Variants in SOD2 observed in about 807,000 individuals in gnomAD.
SOD2 encodes the protein superoxide dismutase 2, also known as superoxide dismutase [Mn], mitochondrial.
A neutral mutation model predicts 27.0 loss-of-function variants in SOD2; 11 were observed. The observed-to-expected ratio is 0.41, with a 90% CI of 0.26 to 0.67. SOD2 has a LOEUF of 0.67. SOD2 is among the 30% of genes least tolerant of loss of function. SOD2 has a pLI of 0.34. For synonymous variants in SOD2, 105 were observed against 103.0 expected (o/e 1.02, Z -0.12); for missense variants, 250 against 274.5 (o/e 0.91, Z 0.63).
chr6:159,710,677 C>T (rs780861417), intron 1 of SOD2, among the ~76,000 whole-genome samples: 42 of 151,980 alleles, frequency 2.8e-4, no homozygotes, highest in Non-Finnish European at 4.6e-4. Context: ...GTGGTCATAT[C>T]CCCTCATACT....
chr6:159,707,341 T>G lies in SOD2; in HGVS notation c.-115-14478A>C, dbSNP rs1251304643. ...TCAATGAATCCAGAAGCTGGTTTTCTGGAAAGATCACAATTGATAGACCAC... is the reference window on the plus strand; with the variant it reads ...TCAATGAATCCAGAAGCTGGTTTTCGGGAAAGATCACAATTGATAGACCAC... On this transcript the variant is annotated intron_variant, in intron 1 of 2. Transcript: ENST00000401980. Among the ~76,000 whole-genome samples the G allele has an allele frequency of 2.0e-5, 3 of 152,174 alleles. No homozygotes were observed. The East Asian group carries it at 5.8e-4, about 29-fold the overall frequency.
chr6:159,701,855 T>C (rs1414404210), intron 1 of SOD2, among the ~76,000 whole-genome samples: 1 of 152,184 alleles, frequency 6.6e-6, no homozygotes, highest in Admixed American at 6.5e-5. Context: ...GTGGGGATTT[T>C]AGGAGAGAAC....
At chr6:159,727,403 G>GGCGGGAGGCGGGAA, upstream of SOD2, 1 of 1,224,326 alleles carries the variant, frequency 8.2e-7, no homozygotes, top group South Asian at 1.4e-5. Flanking sequence ...GGAGGCGGGA[G>GGCGGGAGGCGGGAA]GCAGTGGCGC....
upstream of SOD2, among the ~76,000 whole-genome samples, chr6:159,698,108 A>G (rs1777457605): frequency 6.6e-6 from 1 of 152,198 alleles, no homozygotes; most frequent in Non-Finnish European, 1.5e-5. Context: ...CTCTGTCTTT[A>G]CTAAAAATAC....
chr6:159,747,358 G>A (rs1352288983), upstream of SOD2, among the ~76,000 whole-genome samples: 2 of 152,200 alleles, frequency 1.3e-5, no homozygotes, highest in African/African-American at 4.8e-5. Flanking sequence ...AACTAGAATT[G>A]TAGTCCCGCT....
intron 1 of SOD2, among the ~76,000 whole-genome samples, chr6:159,712,527 A>ACCATAACCACCTCCATAACCACCACTCAG (rs1777836002): frequency 9.9e-6 from 1 of 100,942 alleles, no homozygotes; most frequent in African/African-American, 3.9e-5. Context: ...CACCACTCAC[A>ACCATAACCACCTCCATAACCACCACTCAG]CTGCTCTGAT....
chr6:159,759,079 G>A (rs1780071326), intron 1 of SOD2, among the ~76,000 whole-genome samples: 1 of 147,894 alleles, frequency 6.8e-6, no homozygotes, highest in African/African-American at 2.5e-5. Flanking sequence ...TTTTTTTTGA[G>A]ATGGAGTTTC....
upstream of SOD2, chr6:159,749,395 A>T: frequency 1.0e-6 from 1 of 983,906 alleles, no homozygotes; most frequent in African/African-American, 1.8e-5. Flanking sequence ...TGCACTCTTG[A>T]TATTAAATTA....
intron 1 of SOD2, among the ~76,000 whole-genome samples, chr6:159,719,722 T>C (rs1777992704): frequency 1.1e-5 from 1 of 94,334 alleles, no homozygotes; most frequent in South Asian, 4.8e-4. Flanking sequence ...TGGTTTTTTC[T>C]TTTATTTTCT....
chr6:159,755,343 G>A, intron 1 of SOD2: 1 of 1,614,222 alleles, frequency 6.2e-7, no homozygotes, highest in Non-Finnish European at 8.5e-7. Context: ...TCTTCTCCAG[G>A]GAATGGTAAT....
intron 1 of SOD2, chr6:159,755,750 T>C (rs1157741119): frequency 3.7e-6 from 4 of 1,066,946 alleles, no homozygotes; most frequent in Non-Finnish European, 4.7e-6. Context: ...TTTTTCTTTG[T>C]TTTTTTTTTC....
chr6:159,689,354 C>A (rs2114782256), intron 2 of SOD2, among the ~76,000 whole-genome samples: 1 of 152,302 alleles, frequency 6.6e-6, no homozygotes, highest in African/African-American at 2.4e-5. Flanking sequence ...AACTCCCTGC[C>A]ACCCCTCCCA....
At chr6:159,690,375 T>C (rs1780401077) in intron 2 of SOD2, among the ~76,000 whole-genome samples, 1 of 151,234 alleles carries the variant, frequency 6.6e-6, no homozygotes, top group Non-Finnish European at 1.5e-5. Flanking sequence ...GGTGCGTGGA[T>C]AGGGGAGCCC....
intron 3 of SOD2, among the ~76,000 whole-genome samples, chr6:159,686,377 T>C (rs150038328): frequency 6.6e-6 from 1 of 152,298 alleles, no homozygotes; most frequent in African/African-American, 2.4e-5. Context: ...CCAGGCACGG[T>C]GGCTCACACC....
chr6:159,692,601 C>G (rs781346718), intron 2 of SOD2, 60 bp downstream of exon 2: 2 of 1,602,660 alleles, frequency 1.2e-6, no homozygotes, highest in African/African-American at 2.7e-5. Flanking sequence ...CGTATGGGGC[C>G]TGGCTCCCTG....
chr6:159,746,782 C>T (rs577262226), upstream of SOD2, among the ~76,000 whole-genome samples: 1 of 152,296 alleles, frequency 6.6e-6, no homozygotes, highest in African/African-American at 2.4e-5. Flanking sequence ...ATAAAACTAA[C>T]TTTGAAAACA....
chr6:159,715,085 C>T (rs748687215), intron 1 of SOD2, among the ~76,000 whole-genome samples: 45 of 151,908 alleles, frequency 3.0e-4, no homozygotes, highest in Non-Finnish European at 5.6e-4. Flanking sequence ...AAAAGTATGT[C>T]TAGTCCATTT....
upstream of SOD2, among the ~76,000 whole-genome samples, chr6:159,697,790 T>C (rs1273565501): frequency 6.6e-6 from 1 of 152,224 alleles, no homozygotes; most frequent in Admixed American, 6.5e-5. Context: ...GATATGAATG[T>C]ACAGTTGACC....
rs1024312407 is a variant in SOD2 at position 159,738,849 on chromosome 6, G to C, written c.-116+6281C>G. On this transcript the variant is annotated intron_variant, in intron 1 of 3. Transcript: ENST00000537657. ...TTTACCTTAAAAAAAAAAAACTTTT[G>C]TAATAAAATACTTTTTCAAAAAATC... 13 of 479,930 alleles carry C rather than the reference G, an allele frequency of 2.7e-5. No individual in the cohort carries two copies. In the Admixed American group the frequency reaches 3.9e-4, roughly 14 times the overall value. The allele number at this position is 479,930 out of a possible 1,614,324, so 29.7% of individuals were successfully genotyped here. A position where few individuals can be genotyped will look rare whatever the true frequency, so the allele number is the denominator to read the frequency against.
Sources: allele counts gnomAD v4.1 joint callset (sites outside exome capture counted in the v4.1 genomes callset), GRCh38; gene constraint gnomAD v4.1.1; transcripts MANE v1.5; gene names NCBI Gene and HGNC (gene_info 2026-07-23, HGNC 2026-07-21).